CSE1L: variants seen among roughly 807,000 people sequenced by gnomAD.
CSE1L encodes exportin-2.
A neutral mutation model predicts 120.4 loss-of-function variants in CSE1L; 24 were observed. The observed-to-expected ratio is 0.20, with a 90% confidence interval of 0.14 to 0.28. CSE1L has a LOEUF of 0.28. Ranked by LOEUF, CSE1L falls within the 10% of genes least tolerant of loss-of-function variation. The pLI is 1.00. For missense variants in CSE1L, 830 were observed against 1,145.2 expected (o/e 0.72, Z 3.97); for synonymous variants, 402 against 398.3 (o/e 1.01, Z -0.11).
At chr20:49,088,490 T>C (rs181741876) in intron 17 of CSE1L, among the ~76,000 whole-genome samples, 92 of 152,364 alleles carry the variant, frequency 6.0e-4, no homozygotes, top group African/African-American at 2.1e-3. Flanking sequence ...CTTTTCTTCC[T>C]TACTCTTATT....
intron 1 of CSE1L, among the ~76,000 whole-genome samples, chr20:49,051,470 GA>G (rs1315660775): frequency 2.0e-5 from 3 of 152,222 alleles, no homozygotes; most frequent in African/African-American, 7.2e-5. Flanking sequence ...TTGAACCTGG[GA>G]GGCGGGGACT....
chr20:49,090,904 A>G (rs577323360), intron 20 of CSE1L, 33 bp from the exon 21 acceptor site: 3 of 1,596,952 alleles, frequency 1.9e-6, no homozygotes, highest in Non-Finnish European at 2.6e-6. Context: ...AAAAGTCCTA[A>G]ATTTATATTG....
Position 49,075,280 on chromosome 20 carries a change from T to C in CSE1L, c.1133-38T>C, listed in dbSNP as rs765319155. The C allele has an allele frequency of 9.2e-6, 14 of 1,523,652 alleles. No homozygotes were observed. In the South Asian group the frequency reaches 1.5e-4, roughly 17 times the overall value. The allele number at this position is 1,523,652 out of a possible 1,614,324, so 94.4% of individuals were successfully genotyped here. A position where few individuals can be genotyped will look rare whatever the true frequency, so the allele number is the denominator to read the frequency against. ...ATTGGATCAGCTTGTTGGTGGTTGT[T>C]TTTTTTCCCCATAATATATTTTCTT... On this transcript the variant is annotated intron_variant, in intron 11 of 24. Coordinates refer to ENST00000262982, the MANE Select transcript of CSE1L (RefSeq NM_001316.4).
At chr20:49,085,642 G>C (rs6019629) in intron 16 of CSE1L, among the ~76,000 whole-genome samples, 3 of 125,094 alleles carry the variant, frequency 2.4e-5, no homozygotes, top group Non-Finnish European at 4.7e-5. Context: ...CTTGATCTCA[G>C]CTCACTGCCA....
chr20:49,047,547 TTTTTCTTTTCTC>T (rs2123627679), intron 1 of CSE1L, among the ~76,000 whole-genome samples: 1 of 144,660 alleles, frequency 6.9e-6, no homozygotes, highest in African/African-American at 2.6e-5. Flanking sequence ...TTTCTTTTTC[TTTTTCTTTTCTC>T]TTTTCTTTTT....
chr20:49,053,147 CTTTTTTTTT>C (rs71184250), intron 1 of CSE1L, among the ~76,000 whole-genome samples: 19,448 of 122,806 alleles, frequency 0.16, 1,804 homozygotes, highest in East Asian at 0.39. Context: ...CCCTGTCTCT[CTTTTTTTTT>C]TTTTTTTTTT....
At chr20:49,068,327 G>A (rs567568902) in intron 6 of CSE1L, among the ~76,000 whole-genome samples, 1 of 152,132 alleles carries the variant, frequency 6.6e-6, no homozygotes, top group Non-Finnish European at 1.5e-5. Flanking sequence ...GGTGGCTCAC[G>A]CCTGTAATCC....
In CSE1L at chr20:49,072,281, G is replaced by C. The variant is rs1474926286; in HGVS notation, c.769-5G>C. 1 of 1,612,996 alleles carries C rather than the reference G, an allele frequency of 6.2e-7. No individual in the cohort carries two copies. Among genetic ancestry groups the C allele is most frequent in the Non-Finnish European group, 8.5e-7 (1 of 1,179,560 alleles). ...TGTTGGAGTTTTTGTTTTCTTTTAT[G>C]TGAGGATGAAGAGGAAGCCGGCTTA... On this transcript the variant is annotated splice_region_variant and splice_polypyrimidine_tract_variant and intron_variant, in intron 8 of 24. Transcript: ENST00000262982.
intron 1 of CSE1L, among the ~76,000 whole-genome samples, 177 bp from the exon 2 acceptor site, chr20:49,058,276 G>A (rs1462337795): frequency 6.6e-6 from 1 of 151,784 alleles, no homozygotes; most frequent in African/African-American, 2.4e-5. Context: ...GTTTTTGGGG[G>A]AAAAGGCACA....
In CSE1L at chr20:49,090,957, G is replaced by A; in HGVS notation, c.2300G>A (p.Arg767Lys). Residue 767 changes from arginine (R) to lysine (K), a missense_variant, in exon 21 of 25, where the codon AGG (arginine) becomes AAG (lysine). This residue lies in a region of CSE1L where 168 missense variants were observed against 267.9 expected (regional missense o/e 0.63). Transcript: ENST00000262982. Reference protein sequence around the residue: ...HMPPESVDQYRKQIFILLFQR... With the variant: ...HMPPESVDQYKKQIFILLFQR... ...TTTAGTGAATCAGTTGACCAATATA[G>A]GAAACAAATCTTCATTCTGCTATTC... 6.2e-7 allele frequency: 1 copy of A among 1,610,838 alleles called. No homozygotes were observed. The highest frequency in any genetic ancestry group is 8.5e-7 in the Non-Finnish European group (1 of 1,177,864).
intron 23 of CSE1L, 78 bp from the exon 24 acceptor site, chr20:49,094,654 T>C: frequency 1.1e-6 from 1 of 935,248 alleles, no homozygotes; most frequent in South Asian, 1.5e-5. Flanking sequence ...TGTAATTTTG[T>C]GTCTCTGAGC....
rs2752923 is a variant in CSE1L at position 49,066,546 on chromosome 20, T to C, written c.476+36T>C. 5 of 1,557,648 alleles carry C rather than the reference T, an allele frequency of 3.2e-6. No individual in the cohort carries two copies. In the African/African-American group the frequency reaches 4.1e-5, roughly 13 times the overall value. On this transcript the variant is annotated intron_variant, in intron 5 of 24. Transcript: ENST00000262982. The stretch of plus-strand genomic sequence containing the variant: ...ATAGATTCATGTTTTTAAAATACTT[T>C]CTAAAGTTTTATTTGCTTGTGTAAA...
At chr20:49,067,737 T>C (rs8125035) in intron 6 of CSE1L, among the ~76,000 whole-genome samples, 6,789 of 151,782 alleles carry the variant, frequency 0.045, 463 homozygotes, top group African/African-American at 0.15. Context: ...ACTTTTTTTC[T>C]TTTTTCTTTT....
chr20:49,070,502 A>G (rs2091924300), intron 8 of CSE1L, among the ~76,000 whole-genome samples: 1 of 152,254 alleles, frequency 6.6e-6, no homozygotes. Flanking sequence ...GCCATAGTGT[A>G]CATATAAGGC....
At chr20:49,077,151 T>C in intron 13 of CSE1L, 87 bp downstream of exon 13, 2 of 674,102 alleles carry the variant, frequency 3.0e-6, no homozygotes, top group Non-Finnish European at 4.6e-6. Context: ...TTCCCTTTTG[T>C]TCTTTTTTTT....
At chr20:49,055,756 T>C (rs980358963) in intron 1 of CSE1L, among the ~76,000 whole-genome samples, 4 of 152,150 alleles carry the variant, frequency 2.6e-5, no homozygotes, top group African/African-American at 9.7e-5. Context: ...TTACTGTAAA[T>C]GTATAATAGA....
intron 1 of CSE1L, among the ~76,000 whole-genome samples, chr20:49,053,323 TTTAAC>T (rs2091782585): frequency 6.6e-6 from 1 of 151,100 alleles, no homozygotes; most frequent in African/African-American, 2.4e-5. Context: ...ATGTTAATGA[TTTAAC>T]TTGACCACAG....
intron 1 of CSE1L, among the ~76,000 whole-genome samples, chr20:49,053,428 G>T (rs1360946772): frequency 1.6e-5 from 2 of 123,302 alleles, no homozygotes; most frequent in Non-Finnish European, 3.1e-5. Context: ...GCGCAATCTC[G>T]CCTCATTGCA....
At chr20:49,078,484 ACT>A (rs777634601) in intron 13 of CSE1L, 75 bp from the exon 14 acceptor site, 60 of 926,592 alleles carry the variant, frequency 6.5e-5, no homozygotes, top group East Asian at 6.4e-4. Context: ...TTTTTTTATA[ACT>A]CTGATGATGT....
Sources: allele counts gnomAD v4.1 joint callset (sites outside exome capture counted in the v4.1 genomes callset), GRCh38; gene constraint gnomAD v4.1.1; regional missense constraint gnomAD v4.1.1; transcripts MANE v1.5; gene names NCBI Gene and HGNC (gene_info 2026-07-23, HGNC 2026-07-21).